EFR3B: variants seen among roughly 807,000 people sequenced by gnomAD.
The protein encoded by EFR3B is EFR3 homolog B, also known as protein EFR3 homolog B.
Under a neutral mutation model 104.7 loss-of-function variants are expected in EFR3B, and 64 were observed. The ratio of observed to expected loss-of-function variants is 0.61; its 90% CI spans 0.50 to 0.75. The LOEUF is 0.75. Among genes scored for constraint, EFR3B ranks in the 30% least tolerant of loss-of-function variants. The probability of loss-of-function intolerance (pLI) is 0.00; values close to 1 mark genes in which losing one functional copy is unlikely to be tolerated. For missense variants in EFR3B, 750 were observed against 1,078.5 expected, an observed-to-expected ratio of 0.70 and a Z score of 4.27; for synonymous variants, 385 against 417.9, an observed-to-expected ratio of 0.92 and a Z score of 0.96.
At chr2:25,086,236 G>GTTTTT (rs1433597208) in intron 1 of EFR3B, among the ~76,000 whole-genome samples, 1 of 152,180 alleles carries the variant, frequency 6.6e-6, no homozygotes, top group African/African-American at 2.4e-5. Flanking sequence ...CCACGTGCAG[G>GTTTTT]TTTTTGTGTA....
intron 1 of EFR3B, among the ~76,000 whole-genome samples, chr2:25,067,438 TTG>T (rs1351415319): frequency 2.0e-5 from 3 of 151,224 alleles, no homozygotes; most frequent in African/African-American, 7.3e-5. Context: ...TTTTTTTTTT[TTG>T]TTTTTTGTTT....
At position 25,042,117 on chromosome 2, in the gene EFR3B, C is replaced by T. The variant is rs1052715316; in HGVS notation, c.-196C>T. On this transcript the variant is annotated 5_prime_UTR_variant, in exon 1 of 23. Transcript: ENST00000403714. The surrounding 1 kb of genome is among the most constrained non-coding windows in gnomAD (Gnocchi z 5.4). ...CCGAGCGGAGGCGGCCGCTGCAGCCCGGCGCTGAATGGGCTGGCGGCGCCC... is the reference window on the plus strand; with the variant it reads ...CCGAGCGGAGGCGGCCGCTGCAGCCTGGCGCTGAATGGGCTGGCGGCGCCC... 4 of 378,436 alleles carry T rather than the reference C, an allele frequency of 1.1e-5. No individual in the cohort carries two copies. The highest frequency in any genetic ancestry group is 2.2e-5 in the African/African-American group (1 of 46,474). 23.4% of individuals were successfully genotyped at this position (378,436 alleles called of 1,614,324 possible).
At chr2:25,100,541 G>A (rs191601254) in intron 3 of EFR3B, among the ~76,000 whole-genome samples, 13 of 152,094 alleles carry the variant, frequency 8.5e-5, no homozygotes, top group East Asian at 1.9e-4. Context: ...TGCCCAGGCC[G>A]GAGTGCAGTG....
At chr2:25,146,314 T>A (rs979375261) in intron 19 of EFR3B, 6 of 152,114 alleles carry the variant, frequency 3.9e-5, no homozygotes, top group Middle Eastern at 3.4e-3. Flanking sequence ...GGGGTCAGGA[T>A]CAAGCCTCCC....
chr2:25,077,168 A>G (rs939056137), intron 1 of EFR3B, among the ~76,000 whole-genome samples: 1 of 152,262 alleles, frequency 6.6e-6, no homozygotes, highest in African/African-American at 2.4e-5. Context: ...GGCTTTAATT[A>G]CCAAAGGCAA....
intron 6 of EFR3B, among the ~76,000 whole-genome samples, chr2:25,129,499 G>A (rs1254076519): frequency 6.6e-6 from 1 of 152,122 alleles, no homozygotes; most frequent in Non-Finnish European, 1.5e-5. Flanking sequence ...CACTCCCTGT[G>A]ACTTGAGTAT....
chr2:25,067,937 C>T (rs1158854391), intron 1 of EFR3B, among the ~76,000 whole-genome samples: 6 of 152,010 alleles, frequency 3.9e-5, no homozygotes, highest in African/African-American at 1.5e-4. Flanking sequence ...CACCTTGGCC[C>T]CCAAAGTGCT....
At chr2:25,118,213 T>C (rs1669916062) in intron 4 of EFR3B, among the ~76,000 whole-genome samples, 1 of 152,194 alleles carries the variant, frequency 6.6e-6, no homozygotes, top group Non-Finnish European at 1.5e-5. Context: ...ACTCCTGACC[T>C]CAAGTGATCT....
At chr2:25,125,750 C>T (rs1028008049) in intron 5 of EFR3B, among the ~76,000 whole-genome samples, 6 of 152,164 alleles carry the variant, frequency 3.9e-5, no homozygotes, top group African/African-American at 1.2e-4. Context: ...AGATCGAGAC[C>T]ATCCTGGCTA....
intron 3 of EFR3B, among the ~76,000 whole-genome samples, chr2:25,100,138 A>G (rs1162729015): frequency 6.6e-6 from 1 of 152,124 alleles, no homozygotes; most frequent in African/African-American, 2.4e-5. Flanking sequence ...TGGGAGGCAG[A>G]GGTTGTAGTG....
intron 1 of EFR3B, among the ~76,000 whole-genome samples, chr2:25,054,323 T>C (rs79312734): frequency 0.02 from 3,008 of 152,124 alleles, 91 homozygotes; most frequent in African/African-American, 0.068. Context: ...ATGCAAGTAA[T>C]TCATTTTTTT....
In EFR3B at chr2:25,128,960, C is replaced by CAAA. The variant is rs1170505822; in HGVS notation, c.635+667_635+669dup. ...TGGGCGACGGAGCGAGACTCCGTCT[C>CAAA]AAAAAAAAAAAAAAAAAAAAAAAAA... On this transcript the variant is annotated intron_variant, in intron 6 of 22. Transcript: ENST00000403714. Among the ~76,000 whole-genome samples, 157 of 26,692 alleles carry CAAA rather than the reference C, an allele frequency of 5.9e-3. 29 individuals are homozygous for CAAA. The highest frequency in any genetic ancestry group is 9.2e-3 in the Non-Finnish European group (134 of 14,536). The allele number at this position is 26,692 out of a possible 152,430, so 17.5% of individuals were successfully genotyped here.
chr2:25,156,199 T>C lies in EFR3B; in HGVS notation c.*1859T>C, dbSNP rs1008862844. On this transcript the variant is annotated 3_prime_UTR_variant, in exon 23 of 23. Transcript: ENST00000403714. The stretch of plus-strand genomic sequence containing the variant: ...AATAAATGTCTTGGGGAAGGGGCTA[T>C]TTGACCCTCATTCCCATAGTTTTGG... 4 of 152,148 alleles carry C rather than the reference T, an allele frequency of 2.6e-5. No homozygotes were observed. The highest frequency in any genetic ancestry group is 9.7e-5 in the African/African-American group (4 of 41,430). The allele number at this position is 152,148 out of a possible 1,614,324, so 9.4% of individuals were successfully genotyped here. A position where few individuals can be genotyped will look rare whatever the true frequency, so the allele number is the denominator to read the frequency against.
At chr2:25,092,259 G>A (rs1341660275) in intron 2 of EFR3B, among the ~76,000 whole-genome samples, 3 of 151,348 alleles carry the variant, frequency 2.0e-5, no homozygotes, top group Admixed American at 2.0e-4. Context: ...TAGCAGAGAC[G>A]GGATTTCACC....
In EFR3B at chr2:25,121,645, G is replaced by A. The variant is rs1014574139; in HGVS notation, c.364-28G>A. On this transcript the variant is annotated intron_variant, in intron 4 of 22. Coordinates refer to ENST00000403714, the MANE Select transcript of EFR3B (RefSeq NM_014971.2). ...AGAAGCATGGTGGGTCACCTCTCTC[G>A]TGTGTTTCTCTCCTTCCTCCCTGAT... is the stretch of plus-strand genomic sequence containing the variant. 3.4e-5 allele frequency: 53 copies of A among 1,551,388 alleles called. 1 individual carries two copies. The highest frequency in any genetic ancestry group is 2.2e-4 in the Admixed American group (11 of 50,970).
Position 25,151,990 on chromosome 2 carries a change from C to T in EFR3B, c.2268C>T (p.Phe756=), listed in dbSNP as rs1468223932. The T allele has an allele frequency of 5.8e-6, 9 of 1,551,548 alleles. No homozygotes were observed. Among genetic ancestry groups the T allele is most frequent in the Non-Finnish European group, 7.8e-6 (9 of 1,147,008 alleles). The change falls in exon 21 of 23, where the codon TTC becomes TTT. Residue 756 remains phenylalanine, a synonymous_variant. Coordinates refer to ENST00000403714, the MANE Select transcript of EFR3B (RefSeq NM_014971.2). ...TGGAGAAGTTCCAGAAGGCACCCTT[C>T]GAGGAGATTGCTGCACACTGCGGGG... ...QVVEKFQKAP[F]EEIAAHCGAR... is the part of the protein sequence containing the mutation.
chr2:25,157,584 C>G lies in EFR3B; in HGVS notation c.*3244C>G, dbSNP rs1671208141. Reference sequence around the variant, plus strand: ...CGGCTGCTCCCAAAGCCCGAGGACTCTAGCTGTGTGGGGAAGGGCTAGCAT... The same window carrying G: ...CGGCTGCTCCCAAAGCCCGAGGACTGTAGCTGTGTGGGGAAGGGCTAGCAT... On this transcript the variant is annotated 3_prime_UTR_variant, in exon 23 of 23. Coordinates refer to ENST00000403714, the MANE Select transcript of EFR3B (RefSeq NM_014971.2). 1 of 152,252 alleles carries G rather than the reference C, an allele frequency of 6.6e-6. No homozygotes were observed. The highest frequency in any genetic ancestry group is 1.5e-5 in the Non-Finnish European group (1 of 68,074). The allele number at this position is 152,252 out of a possible 1,614,324, so 9.4% of individuals were successfully genotyped here. A position where few individuals can be genotyped will look rare whatever the true frequency, so the allele number is the denominator to read the frequency against.
intron 1 of EFR3B, among the ~76,000 whole-genome samples, chr2:25,061,276 G>A (rs899201533): frequency 1.3e-5 from 2 of 151,798 alleles, no homozygotes; most frequent in Non-Finnish European, 2.9e-5. Context: ...ACCACGTCCA[G>A]CTAATTTCTG....
chr2:25,154,339 G>A lies in EFR3B; in HGVS notation c.2453G>A (p.Ter818=). The A allele has an allele frequency of 6.4e-7, 1 of 1,551,954 alleles. No homozygotes were observed. Among genetic ancestry groups the A allele is most frequent in the Non-Finnish European group, 8.7e-7 (1 of 1,146,932 alleles). ...AAGTTTCCCGATCTGTGTGTATACT[G>A]AATTCCAAGAGCCTGAGCTCCTCAA... is the stretch of plus-strand genomic sequence containing the variant. ...EMKFPDLCVY[*] Residue 818 remains the stop codon, a stop_retained_variant, in exon 23 of 23, where the codon TGA becomes TAA. Coordinates refer to ENST00000403714, the MANE Select transcript of EFR3B (RefSeq NM_014971.2). This position sits in a 1 kb window ranked among gnomAD's most constrained non-coding sequence, Gnocchi z 4.1.
Sources: gnomAD v4.1 joint callset for allele counts (sites outside exome capture counted in the v4.1 genomes callset) on GRCh38, gnomAD v4.1.1 for gene constraint, Gnocchi (gnomAD v3.1) non-coding constraint, MANE v1.5 for transcripts, NCBI Gene and HGNC (gene_info 2026-07-23, HGNC 2026-07-21) for gene names.